Variants in NELL2 observed in about 807,000 individuals in gnomAD.
NELL2 encodes the protein protein kinase C-binding protein NELL2.
In NELL2, 41 loss-of-function variants were observed where a neutral mutation model predicts 109.6. The ratio of observed to expected loss-of-function variants is 0.37; its 90% CI spans 0.29 to 0.49. NELL2 has a LOEUF of 0.49. NELL2 is among the 20% of genes least tolerant of loss of function. The pLI is 0.98. For synonymous variants in NELL2, 355 were observed against 344.7 expected, an observed-to-expected ratio of 1.03 and a Z score of -0.33; for missense variants, 900 against 1,008.3, an observed-to-expected ratio of 0.89 and a Z score of 1.45.
intron 1 of NELL2, among the ~76,000 whole-genome samples, chr12:44,907,336 T>G (rs1269759732): frequency 1.3e-5 from 2 of 151,996 alleles, no homozygotes; most frequent in Admixed American, 1.3e-4. Context: ...CACTCCAACA[T>G]TAAAAGCTCT....
Position 44,771,711 on chromosome 12 carries a change from G to C in NELL2, c.994+3036C>G, listed in dbSNP as rs1941558234. Among the ~76,000 whole-genome samples the C allele has an allele frequency of 2.0e-5, 3 of 152,134 alleles. No individual in the cohort carries two copies. In the South Asian group the frequency reaches 6.2e-4, roughly 31 times the overall value. ...TTATGTAGATTCAACTAAAGAAAAGGCTTGGTTTCTTCTGACTTCTTTCCC... is the reference window on the plus strand; with the variant it reads ...TTATGTAGATTCAACTAAAGAAAAGCCTTGGTTTCTTCTGACTTCTTTCCC... On this transcript the variant is annotated intron_variant, in intron 9 of 19. Coordinates refer to ENST00000429094, the MANE Select transcript of NELL2 (RefSeq NM_001145108.2).
chr12:44,677,534 G>T (rs61932401), intron 12 of NELL2, among the ~76,000 whole-genome samples: 5 of 152,056 alleles, frequency 3.3e-5, no homozygotes, highest in East Asian at 3.9e-4. Context: ...TTCCTCTGAA[G>T]GGTGTTCAGC....
chr12:44,713,197 C>G (rs1213533804), intron 10 of NELL2, among the ~76,000 whole-genome samples: 15 of 148,194 alleles, frequency 1.0e-4, no homozygotes, highest in African/African-American at 3.6e-4. Context: ...CACACACACA[C>G]ACACACACAC....
intron 15 of NELL2, among the ~76,000 whole-genome samples, chr12:44,547,128 A>G (rs1942829283): frequency 6.6e-6 from 1 of 152,208 alleles, no homozygotes; most frequent in African/African-American, 2.4e-5. Context: ...GTGGCAGAAC[A>G]TATCATCCTG....
chr12:44,779,107 A>G (rs1009093655), intron 5 of NELL2, among the ~76,000 whole-genome samples: 3 of 152,220 alleles, frequency 2.0e-5, no homozygotes, highest in African/African-American at 7.2e-5. Flanking sequence ...TGGAAAGTTA[A>G]ATGACATGTC....
intron 15 of NELL2, among the ~76,000 whole-genome samples, chr12:44,579,784 G>A (rs1175970977): frequency 2.6e-5 from 4 of 151,894 alleles, no homozygotes; most frequent in African/African-American, 7.3e-5. Context: ...TCCTTGTTCT[G>A]ACACCTTCTG....
chr12:44,594,618 T>C (rs1431787640), intron 15 of NELL2, among the ~76,000 whole-genome samples: 3 of 152,142 alleles, frequency 2.0e-5, no homozygotes, highest in Non-Finnish European at 4.4e-5. Context: ...AAGTATAGAA[T>C]ACTGCTTATA....
intron 16 of NELL2, among the ~76,000 whole-genome samples, chr12:44,528,021 G>T (rs539996831): frequency 6.7e-6 from 1 of 148,874 alleles, no homozygotes; most frequent in South Asian, 2.1e-4. Flanking sequence ...GTGAACCGGG[G>T]AGGTGGAGCT....
chr12:44,515,932 CCTTTA>C (rs1247423253), intron 19 of NELL2, among the ~76,000 whole-genome samples: 2 of 151,680 alleles, frequency 1.3e-5, no homozygotes, highest in Non-Finnish European at 2.9e-5. Flanking sequence ...GAGTCCATTT[CCTTTA>C]TTTTCAAGAT....
chr12:44,810,381 G>T (rs1028894424), intron 3 of NELL2, among the ~76,000 whole-genome samples: 1 of 151,940 alleles, frequency 6.6e-6, no homozygotes, highest in African/African-American at 2.4e-5. Context: ...GCATTAATGG[G>T]GTTATCGCTA....
chr12:44,876,189 A>C lies in NELL2; in HGVS notation c.-320T>G, dbSNP rs1415652439. On this transcript the variant is annotated 5_prime_UTR_variant, in exon 1 of 20. It adds an upstream start codon to the 5' untranslated region. Transcript: ENST00000429094. Reference sequence around the variant, plus strand: ...CGTCGGGGAATTAGCTCCCGAGCCGAATAAAAGCAGCCAAAGACTCGCACA... The same window carrying C: ...CGTCGGGGAATTAGCTCCCGAGCCGCATAAAAGCAGCCAAAGACTCGCACA... 5 of 1,229,256 alleles carry C rather than the reference A, an allele frequency of 4.1e-6. No individual in the cohort carries two copies. Among genetic ancestry groups the C allele is most frequent in the Non-Finnish European group, 5.1e-6 (5 of 980,070 alleles). 76.1% of individuals were successfully genotyped at this position (1,229,256 alleles called of 1,614,324 possible). A position where few individuals can be genotyped will look rare whatever the true frequency, so the allele number is the denominator to read the frequency against.
chr12:44,775,740 CTTCTT>C (rs1941732999), intron 8 of NELL2, among the ~76,000 whole-genome samples: 1 of 152,172 alleles, frequency 6.6e-6, no homozygotes, highest in Non-Finnish European at 1.5e-5. Flanking sequence ...AGAGGATAGT[CTTCTT>C]TAGGAATCAC....
intron 9 of NELL2, among the ~76,000 whole-genome samples, chr12:44,766,461 C>G (rs959806508): frequency 6.6e-6 from 1 of 152,158 alleles, no homozygotes; most frequent in Non-Finnish European, 1.5e-5. Flanking sequence ...TTCTAAGATG[C>G]TTTAAATTGC....
Position 44,832,208 on chromosome 12 carries a change from A to C in NELL2, c.185-16072T>G, listed in dbSNP as rs553813906. On this transcript the variant is annotated intron_variant, in intron 2 of 19. Coordinates refer to ENST00000429094, the MANE Select transcript of NELL2 (RefSeq NM_001145108.2). ...GCCTTTGGGGCCACAGTTTTAACCA[A>C]CCCCTGGAATCAACAGATATGGATA... 9.8e-5 allele frequency among the ~76,000 whole-genome samples: 15 copies of C among 152,312 alleles called. 1 individual carries two copies. In the South Asian group the frequency reaches 3.1e-3, roughly 32 times the overall value.
intron 2 of NELL2, among the ~76,000 whole-genome samples, chr12:44,859,455 C>T (rs754472108): frequency 1.9e-4 from 29 of 152,120 alleles, no homozygotes; most frequent in Non-Finnish European, 3.4e-4. Context: ...GTGGGAGAAT[C>T]GCTTGAACCC....
intron 19 of NELL2, among the ~76,000 whole-genome samples, chr12:44,510,722 A>G (rs2138954306): frequency 6.6e-6 from 1 of 152,320 alleles, no homozygotes; most frequent in African/African-American, 2.4e-5. Flanking sequence ...TTTTGTCATC[A>G]TATCTCCAGC....
rs190323867 is a variant in NELL2 at position 44,669,695 on chromosome 12, C to T, written c.1319-4086G>A. On this transcript the variant is annotated intron_variant, in intron 12 of 19. Transcript: ENST00000429094. ...GGGCTTTTGAAATAACTCAGTCAGA[C>T]CAAAAATCAAAAGAAATAAAACAGA... is the stretch of plus-strand genomic sequence containing the variant. Among the ~76,000 whole-genome samples, 418 of 151,840 alleles carry T rather than the reference C, an allele frequency of 2.8e-3. 1 individual carries two copies. Among genetic ancestry groups the T allele is most frequent in the African/African-American group, 9.7e-3 (402 of 41,458 alleles).
intron 11 of NELL2, among the ~76,000 whole-genome samples, chr12:44,706,666 T>C (rs1937897838): frequency 6.6e-6 from 1 of 152,160 alleles, no homozygotes; most frequent in Non-Finnish European, 1.5e-5. Context: ...TAATAATATA[T>C]TATTCGTTAA....
At chr12:44,586,391 T>C (rs1274867309) in intron 15 of NELL2, among the ~76,000 whole-genome samples, 7 of 151,246 alleles carry the variant, frequency 4.6e-5, no homozygotes, top group Admixed American at 2.6e-4. Flanking sequence ...ATTAAATACA[T>C]GAGTCTTAAA....
Sources: allele counts gnomAD v4.1 joint callset (sites outside exome capture counted in the v4.1 genomes callset), GRCh38; gene constraint gnomAD v4.1.1; transcripts MANE v1.5; gene names NCBI Gene and HGNC (gene_info 2026-07-23, HGNC 2026-07-21).